ERC2: variants seen among roughly 807,000 people sequenced by gnomAD.
The protein encoded by ERC2 is ELKS/RAB6-interacting/CAST family member 2, also known as ERC protein 2.
A neutral mutation model predicts 114.8 loss-of-function variants in ERC2; 42 were observed. That is an observed-to-expected ratio of 0.37 (90% CI 0.29 to 0.47). The LOEUF (loss-of-function observed/expected upper bound fraction) is 0.47. Among genes scored for constraint, ERC2 ranks in the 20% least tolerant of loss-of-function variants. The pLI is 0.99. For missense variants in ERC2, 939 were observed against 1,150.7 expected (o/e 0.82, Z 2.66); for synonymous variants, 454 against 425.5 (o/e 1.07, Z -0.82).
At chr3:55,621,581 G>A (rs774560156) in intron 17 of ERC2, among the ~76,000 whole-genome samples, 119 of 152,322 alleles carry the variant, frequency 7.8e-4, no homozygotes, top group Non-Finnish European at 1.2e-3. Context: ...CACTCAGGCT[G>A]GCTGGAGACA....
chr3:55,864,048 A>T (rs1575909772), intron 14 of ERC2, among the ~76,000 whole-genome samples: 1 of 148,860 alleles, frequency 6.7e-6, no homozygotes, highest in South Asian at 2.1e-4. Context: ...CACCCCTTCT[A>T]CCCATCCCAT....
At chr3:55,927,669 G>T (rs538628514) in intron 13 of ERC2, among the ~76,000 whole-genome samples, 1 of 151,478 alleles carries the variant, frequency 6.6e-6, no homozygotes, top group Non-Finnish European at 1.5e-5. Context: ...TCATCCTGTC[G>T]TGTTATCAAA....
intron 2 of ERC2, among the ~76,000 whole-genome samples, chr3:56,427,500 G>A (rs577835887): frequency 5.9e-5 from 9 of 152,140 alleles, no homozygotes; most frequent in African/African-American, 9.7e-5. Context: ...GTTGTGGGTC[G>A]AATTGTGTAT....
rs576778645 is a variant in ERC2, at chr3:55,680,284, G to A, written c.*39+3510C>T. 3.3e-5 allele frequency among the ~76,000 whole-genome samples: 5 copies of A among 152,296 alleles called. No individual in the cohort carries two copies. The South Asian group carries it at 8.3e-4, about 25-fold the overall frequency. ...CTAGTGGTTTAAGAAATAAAAACTT[G>A]TGTTCTATCTTTGCTCAATTACAAG... On this transcript the variant is annotated intron_variant, in intron 17 of 17. Transcript: ENST00000288221.
At chr3:55,950,920 G>A (rs2067458284) in intron 12 of ERC2, among the ~76,000 whole-genome samples, 1 of 152,200 alleles carries the variant, frequency 6.6e-6, no homozygotes, top group African/African-American at 2.4e-5. Context: ...GTGTGGACAG[G>A]TGGTGGAGTG....
chr3:55,663,376 AAGTGG>A (rs2061220994), intron 17 of ERC2, among the ~76,000 whole-genome samples: 1 of 152,246 alleles, frequency 6.6e-6, no homozygotes, highest in South Asian at 2.1e-4. Context: ...TTCATCAGTG[AAGTGG>A]GGCTAGAATC....
intron 6 of ERC2, among the ~76,000 whole-genome samples, chr3:56,126,182 C>T (rs2079852777): frequency 6.6e-6 from 1 of 152,072 alleles, no homozygotes; most frequent in Admixed American, 6.5e-5. Flanking sequence ...TTTAAAAATT[C>T]CATCTTCAAA....
chr3:55,660,392 GAGCA>G (rs538093362), intron 17 of ERC2, among the ~76,000 whole-genome samples: 1 of 152,254 alleles, frequency 6.6e-6, no homozygotes, highest in Non-Finnish European at 1.5e-5. Flanking sequence ...ACACAATCTA[GAGCA>G]AGTGAGACCT....
chr3:56,300,467 A>T (rs938988560), intron 2 of ERC2, among the ~76,000 whole-genome samples: 1 of 152,178 alleles, frequency 6.6e-6, no homozygotes, highest in Non-Finnish European at 1.5e-5. Flanking sequence ...CCAAACCAAG[A>T]GGCCACCAAT....
At chr3:55,585,118 C>T (rs544720051) in intron 17 of ERC2, among the ~76,000 whole-genome samples, 10 of 152,340 alleles carry the variant, frequency 6.6e-5, no homozygotes, top group South Asian at 2.1e-4. Flanking sequence ...TAGCATTCCT[C>T]GGTTTACCGT....
intron 17 of ERC2, among the ~76,000 whole-genome samples, chr3:55,594,150 T>G (rs1222819819): frequency 1.3e-5 from 2 of 152,164 alleles, no homozygotes; most frequent in African/African-American, 2.4e-5. Flanking sequence ...CTTCTTTGAG[T>G]TCCTTACTTA....
At chr3:56,324,773 A>G (rs1395536839) in intron 2 of ERC2, among the ~76,000 whole-genome samples, 1 of 152,048 alleles carries the variant, frequency 6.6e-6, no homozygotes, top group East Asian at 1.9e-4. Flanking sequence ...AGCCCTGACT[A>G]CCTCTGAGAC....
intron 3 of ERC2, 33 bp from the exon 4 acceptor site, chr3:56,173,553 G>A (rs375518818): frequency 1.4e-5 from 22 of 1,600,740 alleles, no homozygotes; most frequent in African/African-American, 8.0e-5. Context: ...TAAGCCTGAC[G>A]GTTCATCCTT....
At chr3:55,868,636 C>T (rs1054603357) in intron 14 of ERC2, among the ~76,000 whole-genome samples, 5 of 152,170 alleles carry the variant, frequency 3.3e-5, no homozygotes, top group Non-Finnish European at 7.3e-5. Flanking sequence ...AACACCATAC[C>T]ATTCCATAAT....
intron 13 of ERC2, among the ~76,000 whole-genome samples, chr3:55,934,847 C>A (rs976453539): frequency 2.6e-5 from 4 of 152,054 alleles, no homozygotes; most frequent in African/African-American, 9.7e-5. Context: ...AGTTCAAAAC[C>A]CAATCAGTAT....
chr3:55,736,275 C>T (rs17055884), intron 14 of ERC2, among the ~76,000 whole-genome samples: 2,372 of 152,340 alleles, frequency 0.016, 62 homozygotes, highest in African/African-American at 0.055. Context: ...GACAACCTCT[C>T]TGAGGGCCTC....
At chr3:55,641,594 C>T (rs1445927340) in intron 17 of ERC2, among the ~76,000 whole-genome samples, 2 of 140,088 alleles carry the variant, frequency 1.4e-5, no homozygotes. Flanking sequence ...ATATACACTC[C>T]TTCCCTTTTA....
chr3:56,432,997 G>A (rs2061857262), intron 2 of ERC2, among the ~76,000 whole-genome samples: 3 of 151,920 alleles, frequency 2.0e-5, no homozygotes, highest in South Asian at 2.1e-4. Context: ...AAAATAGCAA[G>A]ACCTTGTCTC....
chr3:55,966,299 T>A (rs2068744797), intron 12 of ERC2, among the ~76,000 whole-genome samples: 1 of 152,102 alleles, frequency 6.6e-6, no homozygotes, highest in Non-Finnish European at 1.5e-5. Context: ...TTCATGAAAA[T>A]CCTGGGTACC....
Sources: gnomAD v4.1 joint callset for allele counts (sites outside exome capture counted in the v4.1 genomes callset) on GRCh38, gnomAD v4.1.1 for gene constraint, MANE v1.5 for transcripts, NCBI Gene and HGNC (gene_info 2026-07-23, HGNC 2026-07-21) for gene names.